Variants in IFT81 observed in about 807,000 individuals in gnomAD.
IFT81 encodes the protein intraflagellar transport protein 81 homolog.
Under a neutral mutation model 102.6 loss-of-function variants are expected in IFT81, and 72 were observed. The observed-to-expected ratio is 0.70, with a 90% CI of 0.58 to 0.85. IFT81 has a LOEUF of 0.85. IFT81 is among the 40% of genes least tolerant of loss of function. The probability of loss-of-function intolerance (pLI) is 0.00; values close to 1 mark genes in which losing one functional copy is unlikely to be tolerated. For synonymous variants in IFT81, 237 were observed against 242.7 expected (o/e 0.98, Z 0.22); for missense variants, 723 against 787.3 (o/e 0.92, Z 0.98).
chr12:110,134,751 G>A (rs928467759), intron 5 of IFT81, among the ~76,000 whole-genome samples, 197 bp from the exon 6 acceptor site: 1 of 152,090 alleles, frequency 6.6e-6, no homozygotes, highest in Non-Finnish European at 1.5e-5. Context: ...TGAACACCAA[G>A]CTGCCAAAAA....
chr12:110,132,585 A>G lies in IFT81; in HGVS notation c.468A>G (p.Lys156=). 1 of 1,582,474 alleles carries G rather than the reference A, an allele frequency of 6.3e-7. No individual in the cohort carries two copies. Among genetic ancestry groups the G allele is most frequent in the Non-Finnish European group, 8.6e-7 (1 of 1,156,344 alleles). The change falls in exon 5 of 19, where the codon AAA becomes AAG. Residue 156 remains lysine, a synonymous_variant. Transcript: ENST00000242591. ...TGGAAGCCTTTAAAACTTTGCATAA[A>G]GAATATGAGCAGCTCAAGATATCTG... ...ELMEAFKTLH[K]EYEQLKISGF...
intron 14 of IFT81, among the ~76,000 whole-genome samples, chr12:110,201,523 C>T (rs528722166): frequency 2.0e-4 from 30 of 152,222 alleles, no homozygotes; most frequent in East Asian, 1.5e-3. Flanking sequence ...CTCAACCTCC[C>T]GGCCTCAAGC....
At chr12:110,180,680 A>T (rs904690127) in intron 12 of IFT81, 109 bp downstream of exon 12, 12 of 718,242 alleles carry the variant, frequency 1.7e-5, no homozygotes, top group Non-Finnish European at 2.1e-6. Flanking sequence ...TAAAAGTATT[A>T]CTTTTCTCTG....
intron 11 of IFT81, among the ~76,000 whole-genome samples, chr12:110,171,578 A>G (rs941015164): frequency 6.6e-6 from 1 of 152,242 alleles, no homozygotes; most frequent in Non-Finnish European, 1.5e-5. Context: ...ACAGTTGAAA[A>G]TGTGCCACTA....
Position 110,218,248 on chromosome 12 carries a change from G to GTT in IFT81, c.*25_*26dup. 6.7e-7 allele frequency: 1 copy of GTT among 1,491,080 alleles called. No individual in the cohort carries two copies. Among genetic ancestry groups the GTT allele is most frequent in the Non-Finnish European group, 8.9e-7 (1 of 1,123,290 alleles). 92.4% of individuals were successfully genotyped at this position (1,491,080 alleles called of 1,614,324 possible). ...GTGAATTCTTGTGTCATCGTTTGGG[G>GTT]TTTTACTTGATACCACTAGCTATAA... On this transcript the variant is annotated 3_prime_UTR_variant, in exon 19 of 19. Transcript: ENST00000242591.
chr12:110,197,042 TAAA>T (rs1001913041), intron 14 of IFT81, among the ~76,000 whole-genome samples: 2 of 151,892 alleles, frequency 1.3e-5, no homozygotes, highest in Admixed American at 6.6e-5. Context: ...CTACAAAAAG[TAAA>T]AAAATTAGCT....
intron 15 of IFT81, 76 bp from the exon 16 acceptor site, chr12:110,205,367 G>T (rs892758338): frequency 6.9e-7 from 1 of 1,454,604 alleles, no homozygotes; most frequent in Non-Finnish European, 9.1e-7. Context: ...GTCCTTTGTT[G>T]TACATCTAAA....
At chr12:110,138,894 G>T (rs1290433840) in intron 8 of IFT81, among the ~76,000 whole-genome samples, 3 of 152,164 alleles carry the variant, frequency 2.0e-5, no homozygotes, top group African/African-American at 7.2e-5. Flanking sequence ...CCAGGATTTT[G>T]AAAGATAATG....
chr12:110,164,719 C>T (rs1171903505), intron 11 of IFT81, among the ~76,000 whole-genome samples: 1 of 152,096 alleles, frequency 6.6e-6, no homozygotes, highest in African/African-American at 2.4e-5. Context: ...TGAAAAATTC[C>T]CTTGGCTTTT....
intron 9 of IFT81, 87 bp downstream of exon 9, chr12:110,143,632 C>A (rs926027854): frequency 9.7e-7 from 1 of 1,034,486 alleles, no homozygotes; most frequent in Non-Finnish European, 1.4e-6. Context: ...TGTAGTATCC[C>A]ACTATTGACT....
chr12:110,209,924 G>A lies in IFT81; in HGVS notation c.1848+708G>A, dbSNP rs144820709. On this transcript the variant is annotated intron_variant, in intron 18 of 18. Coordinates refer to ENST00000242591, the MANE Select transcript of IFT81 (RefSeq NM_014055.4). ...TTAATACAAACAACTGAAAAACCTT[G>A]CTTGAGATGCTCAGCTCCCTCCTGC... 5.8e-4 allele frequency among the ~76,000 whole-genome samples: 88 copies of A among 152,194 alleles called. 3 individuals are homozygous for A. The East Asian group carries it at 0.015, about 26-fold the overall frequency.
At chr12:110,172,736 A>G (rs1896802283) in intron 11 of IFT81, among the ~76,000 whole-genome samples, 3 of 152,202 alleles carry the variant, frequency 2.0e-5, no homozygotes. Context: ...TCGTGTCGCT[A>G]CAACCTCCAC....
At chr12:110,195,715 C>G (rs1224523375) in intron 14 of IFT81, among the ~76,000 whole-genome samples, 1 of 152,186 alleles carries the variant, frequency 6.6e-6, no homozygotes, top group Non-Finnish European at 1.5e-5. Flanking sequence ...CCCTTTGTCT[C>G]ACTTCTCTTT....
At chr12:110,169,078 T>TTCCA (rs1896609343) in intron 11 of IFT81, 1 of 130,354 alleles carries the variant, frequency 7.7e-6, no homozygotes, top group African/African-American at 2.9e-5. Context: ...CCTTCCTTCC[T>TTCCA]TCCTCTCTCT....
chr12:110,127,484 T>C lies in IFT81; in HGVS notation c.104T>C (p.Leu35Ser), dbSNP rs1411693781. The part of the protein sequence containing the change: ...TFDSLEPMQL[L>S]QVLSDVLAEI... ...GATTCCTTGGAGCCAATGCAACTAT[T>C]ACAAGTTCTCAGTGATGTTCTGGCT... Residue 35 changes from leucine (L) to serine (S), a missense_variant, in exon 2 of 19, where the codon TTA (leucine) becomes TCA (serine). Coordinates refer to ENST00000242591, the MANE Select transcript of IFT81 (RefSeq NM_014055.4). The C allele has an allele frequency of 6.2e-7, 1 of 1,609,296 alleles. No individual in the cohort carries two copies. Among genetic ancestry groups the C allele is most frequent in the Non-Finnish European group, 8.5e-7 (1 of 1,178,420 alleles).
rs117040491 is a variant in IFT81 at position 110,135,988 on chromosome 12, A to C, written c.696+551A>C. Among the ~76,000 whole-genome samples the C allele has an allele frequency of 7.8e-3, 1,187 of 152,294 alleles. 6 individuals are homozygous for C. The highest frequency in any genetic ancestry group is 0.014 in the Non-Finnish European group (933 of 68,024). ...CCTATGCTTACCTCGTGTTGTTCCAACATTACAGAAGAGTCATTGTAATGT... is the reference window on the plus strand; with the variant it reads ...CCTATGCTTACCTCGTGTTGTTCCACCATTACAGAAGAGTCATTGTAATGT... On this transcript the variant is annotated intron_variant, in intron 7 of 18. Coordinates refer to ENST00000242591, the MANE Select transcript of IFT81 (RefSeq NM_014055.4).
chr12:110,181,393 A>G (rs561339703), intron 12 of IFT81, among the ~76,000 whole-genome samples: 2 of 152,332 alleles, frequency 1.3e-5, no homozygotes, highest in South Asian at 4.1e-4. Flanking sequence ...CCTTTTGGTC[A>G]TGGCTTAAAA....
chr12:110,126,249 G>T (rs1893833142), intron 1 of IFT81, among the ~76,000 whole-genome samples: 1 of 146,406 alleles, frequency 6.8e-6, no homozygotes, highest in South Asian at 2.1e-4. Context: ...CTGCACTCCA[G>T]CCTGGGCGAC....
chr12:110,192,814 A>G, intron 14 of IFT81, 108 bp downstream of exon 14: 1 of 620,466 alleles, frequency 1.6e-6, no homozygotes, highest in Non-Finnish European at 2.9e-6. Context: ...GGTAATATAG[A>G]AAACAAATTA....
Sources: gnomAD v4.1 joint callset for allele counts (sites outside exome capture counted in the v4.1 genomes callset) on GRCh38, gnomAD v4.1.1 for gene constraint, MANE v1.5 for transcripts, NCBI Gene and HGNC (gene_info 2026-07-23, HGNC 2026-07-21) for gene names.